The following STAT4 variants were observed in gnomAD, a reference collection of about 807,000 sequenced individuals.
The protein encoded by STAT4 is signal transducer and activator of transcription 4.
A neutral mutation model predicts 110.5 loss-of-function variants in STAT4; 42 were observed. The observed-to-expected ratio is 0.38, with a 90% CI of 0.30 to 0.49. The LOEUF (loss-of-function observed/expected upper bound fraction) is 0.49. Among genes scored for constraint, STAT4 ranks in the 20% least tolerant of loss-of-function variants. The pLI is 0.95. For synonymous variants in STAT4, 284 were observed against 302.2 expected, an observed-to-expected ratio of 0.94 and a Z score of 0.63; for missense variants, 632 against 887.9, an observed-to-expected ratio of 0.71 and a Z score of 3.66.
chr2:191,129,609 C>G (rs12619030), intron 3 of STAT4, among the ~76,000 whole-genome samples: 90,562 of 152,026 alleles, frequency 0.6, 27,983 homozygotes, highest in South Asian at 0.78. Flanking sequence ...AAAAAAAAGG[C>G]GATGGAATTT....
rs1157268780 is a variant in STAT4 at position 191,059,461 on chromosome 2, T to C, written c.1035-692A>G. Among the ~76,000 whole-genome samples, 1 of 152,180 alleles carries C rather than the reference T, an allele frequency of 6.6e-6. No homozygotes were observed. The highest frequency in any genetic ancestry group is 2.4e-5 in the African/African-American group (1 of 41,446). The stretch of plus-strand genomic sequence containing the variant: ...TGTGGGTTCAGTGCAGTTTCAGAGA[T>C]AGTCATTCAATCCCTCACACATTCA... On this transcript the variant is annotated intron_variant, in intron 10 of 23. Transcript: ENST00000392320. The surrounding 1 kb of genome is among the most constrained non-coding windows in gnomAD (Gnocchi z 4.7).
At chr2:191,040,667 T>C (rs1574699817) in intron 15 of STAT4, among the ~76,000 whole-genome samples, 1 of 152,290 alleles carries the variant, frequency 6.6e-6, no homozygotes, top group East Asian at 1.9e-4. Context: ...GCTCAATCAA[T>C]CCTCCTGCCT....
chr2:191,081,114 A>G (rs932760211), intron 3 of STAT4, among the ~76,000 whole-genome samples: 8 of 152,062 alleles, frequency 5.3e-5, no homozygotes. Context: ...TTCTTGTGTT[A>G]GTTTGCTGAG....
chr2:191,127,132 CA>C (rs1393343840), intron 3 of STAT4, among the ~76,000 whole-genome samples: 1 of 151,628 alleles, frequency 6.6e-6, no homozygotes, highest in Non-Finnish European at 1.5e-5. Context: ...AAAAAAAAAC[CA>C]AAAAAACTCA....
chr2:191,092,603 C>T (rs956305895), intron 3 of STAT4, among the ~76,000 whole-genome samples: 2 of 151,988 alleles, frequency 1.3e-5, no homozygotes, highest in African/African-American at 4.8e-5. Context: ...ATAGGAACAG[C>T]TCCAGTCTGC....
chr2:191,039,065 A>G lies in STAT4; in HGVS notation c.1434+134T>C, dbSNP rs1286774916. 8.3e-6 allele frequency: 6 copies of G among 726,074 alleles called. No homozygotes were observed. In the African/African-American group the frequency reaches 8.7e-5, roughly 11 times the overall value. 45.0% of individuals were successfully genotyped at this position (726,074 alleles called of 1,614,324 possible). A position where few individuals can be genotyped will look rare whatever the true frequency, so the allele number is the denominator to read the frequency against. The stretch of plus-strand genomic sequence containing the variant: ...AATATGACATGAGAGGAAACATACA[A>G]CTAGAAATACTACAAATAAAGCAAC... On this transcript the variant is annotated intron_variant, in intron 16 of 23. Coordinates refer to ENST00000392320, the MANE Select transcript of STAT4 (RefSeq NM_003151.4). This position sits in a 1 kb window ranked among gnomAD's most constrained non-coding sequence, Gnocchi z 4.7.
At chr2:191,057,887 C>T (rs1003455161) in intron 13 of STAT4, 131 bp downstream of exon 13, 27 of 818,894 alleles carry the variant, frequency 3.3e-5, no homozygotes, top group African/African-American at 8.7e-5. Flanking sequence ...CATGAGCCAC[C>T]GTGCCCGGCC....
rs1697748168 is a variant in STAT4 at position 191,090,058 on chromosome 2, TTAATAA to T, written c.274-13739_274-13734del. Among the ~76,000 whole-genome samples, 1 of 152,132 alleles carries T rather than the reference TTAATAA, an allele frequency of 6.6e-6. No individual in the cohort carries two copies. The highest frequency in any genetic ancestry group is 2.4e-5 in the African/African-American group (1 of 41,436). On this transcript the variant is annotated intron_variant, in intron 3 of 23. Coordinates refer to ENST00000392320, the MANE Select transcript of STAT4 (RefSeq NM_003151.4). This position sits in a 1 kb window ranked among gnomAD's most constrained non-coding sequence, Gnocchi z 4.2. The stretch of plus-strand genomic sequence containing the variant: ...CCTAATGTAAATTATGGGACTTTAG[TTAATAA>T]TAATATAATATTGTAATAATATAAA...
In STAT4 at chr2:191,094,384, G is replaced by A. The variant is rs184243129; in HGVS notation, c.274-18059C>T. ...AAGGGAAGCCCATCAGACTAACAGC[G>A]TATCTCTCAGCAGAAACTCTACAAG... is the stretch of plus-strand genomic sequence containing the variant. On this transcript the variant is annotated intron_variant, in intron 3 of 23. Transcript: ENST00000392320. Among the ~76,000 whole-genome samples, 185 of 152,298 alleles carry A rather than the reference G, an allele frequency of 1.2e-3. 6 individuals are homozygous for A. In the East Asian group the frequency reaches 0.027, roughly 22 times the overall value.
chr2:191,137,650 T>C (rs1192627694), intron 3 of STAT4, among the ~76,000 whole-genome samples: 1 of 152,056 alleles, frequency 6.6e-6, no homozygotes, highest in African/African-American at 2.4e-5. Flanking sequence ...AAACAGCATG[T>C]TACTGGTATA....
At chr2:191,120,682 C>T (rs1288495082) in intron 3 of STAT4, among the ~76,000 whole-genome samples, 1 of 152,134 alleles carries the variant, frequency 6.6e-6, no homozygotes, top group Non-Finnish European at 1.5e-5. Flanking sequence ...GGAAAGGATT[C>T]CCTATTTAAT....
Position 191,042,585 on chromosome 2 carries a change from T to C in STAT4, c.1252-1437A>G, listed in dbSNP as rs1209980523. 6.6e-6 allele frequency among the ~76,000 whole-genome samples: 1 copy of C among 152,142 alleles called. No homozygotes were observed. Among genetic ancestry groups the C allele is most frequent in the Non-Finnish European group, 1.5e-5 (1 of 68,018 alleles). On this transcript the variant is annotated intron_variant, in intron 14 of 23. Coordinates refer to ENST00000392320, the MANE Select transcript of STAT4 (RefSeq NM_003151.4). The surrounding 1 kb of genome is among the most constrained non-coding windows in gnomAD (Gnocchi z 4.2). ...TATTTTGGTTTTTGTGATAAGTGTA[T>C]TGTGGTTAGGTTTAAACATTTCTTA...
At chr2:191,094,161 C>T (rs942043838) in intron 3 of STAT4, among the ~76,000 whole-genome samples, 2 of 152,212 alleles carry the variant, frequency 1.3e-5, no homozygotes, top group Non-Finnish European at 2.9e-5. Flanking sequence ...TTGGAAAACA[C>T]TCTTCAGGAT....
intron 3 of STAT4, among the ~76,000 whole-genome samples, chr2:191,089,799 C>T (rs1697741414): frequency 6.6e-6 from 1 of 152,076 alleles, no homozygotes; most frequent in Non-Finnish European, 1.5e-5. Flanking sequence ...AAGCAGCCAA[C>T]GTGAAAAGGC....
Position 191,076,277 on chromosome 2 carries a change from AGTTT to A in STAT4, c.318_321del (p.Asn107ValfsTer2). 1 of 1,613,822 alleles carries A rather than the reference AGTTT, an allele frequency of 6.2e-7. No individual in the cohort carries two copies. Among genetic ancestry groups the A allele is most frequent in the Non-Finnish European group, 8.5e-7 (1 of 1,179,856 alleles). On this transcript the variant is annotated frameshift_variant, in exon 4 of 24. Coordinates refer to ENST00000392320, the MANE Select transcript of STAT4 (RefSeq NM_003151.4). LOFTEE classifies it high-confidence loss of function. Reference sequence around the variant, plus strand: ...AATATTCTCCTCTCTTCCCTTAAACAGTTTGAAATAACCACAGCTACATGCATTG... The same window carrying A: ...AATATTCTCCTCTCTTCCCTTAAACAGAAATAACCACAGCTACATGCATTG...
chr2:191,070,940 C>G (rs1697129007), intron 5 of STAT4, among the ~76,000 whole-genome samples: 1 of 152,088 alleles, frequency 6.6e-6, no homozygotes, highest in Non-Finnish European at 1.5e-5. Context: ...TAAAACAGTG[C>G]CTGGTACCAA....
chr2:191,054,450 C>A, intron 14 of STAT4, 40 bp downstream of exon 14: 1 of 1,535,008 alleles, frequency 6.5e-7, no homozygotes, highest in South Asian at 1.2e-5. Context: ...ATTATAAGAT[C>A]TGTTTCCAGA....
intron 3 of STAT4, among the ~76,000 whole-genome samples, chr2:191,114,981 T>G (rs1698534107): frequency 6.6e-6 from 1 of 152,246 alleles, no homozygotes; most frequent in African/African-American, 2.4e-5. Context: ...CATATTAGTT[T>G]ATGTGATAAA....
At position 191,090,377 on chromosome 2, in the gene STAT4, CT is replaced by C. The variant is rs1697757037; in HGVS notation, c.274-14053del. ...TCACTCAAAGTTAGCTTTAAATTCT[CT>C]CATCGTCGCAAAGGTTTTCTTGATA... is the stretch of plus-strand genomic sequence containing the variant. On this transcript the variant is annotated intron_variant, in intron 3 of 23. Coordinates refer to ENST00000392320, the MANE Select transcript of STAT4 (RefSeq NM_003151.4). This position sits in a 1 kb window ranked among gnomAD's most constrained non-coding sequence, Gnocchi z 4.2. 6.6e-6 allele frequency among the ~76,000 whole-genome samples: 1 copy of C among 152,054 alleles called. No individual in the cohort carries two copies.
Sources: gnomAD v4.1 joint callset for allele counts (sites outside exome capture counted in the v4.1 genomes callset) on GRCh38, gnomAD v4.1.1 for gene constraint, Gnocchi (gnomAD v3.1) non-coding constraint, MANE v1.5 for transcripts, NCBI Gene and HGNC (gene_info 2026-07-23, HGNC 2026-07-21) for gene names.